The following CCDC102B variants were observed in gnomAD, a reference collection of about 807,000 sequenced individuals.
CCDC102B encodes coiled-coil domain containing 102B.
A neutral mutation model predicts 57.4 loss-of-function variants in CCDC102B; 75 were observed. The ratio of observed to expected loss-of-function variants is 1.31; its 90% CI spans 1.08 to 1.58. The LOEUF is 1.58. Ranked by LOEUF, CCDC102B falls within the 40% of genes most tolerant of loss-of-function variation. The pLI is 0.00. For missense variants in CCDC102B, 636 were observed against 582.6 expected, an observed-to-expected ratio of 1.09 and a Z score of -0.94; for synonymous variants, 206 against 201.9, an observed-to-expected ratio of 1.02 and a Z score of -0.17.
intron 6 of CCDC102B, among the ~76,000 whole-genome samples, chr18:68,982,415 T>A (rs542457334): frequency 6.7e-4 from 102 of 152,092 alleles, no homozygotes; most frequent in African/African-American, 2.4e-3. Flanking sequence ...TTAATTAATT[T>A]GATTTGTAGA....
chr18:69,002,326 G>A (rs1321580342), intron 6 of CCDC102B, among the ~76,000 whole-genome samples: 1 of 152,174 alleles, frequency 6.6e-6, no homozygotes, highest in Non-Finnish European at 1.5e-5. Context: ...AGGGCATGGT[G>A]AATGGTACTC....
Position 68,875,626 on chromosome 18 carries a change from G to C in CCDC102B, c.1053+841G>C, listed in dbSNP as rs1049130137. ...TATATTTACATCAGATGAATATAGT[G>C]CAATGGGAAATATACAGATTTTGGA... On this transcript the variant is annotated intron_variant, in intron 5 of 7. Coordinates refer to ENST00000360242, the MANE Select transcript of CCDC102B (RefSeq NM_024781.3). 6.6e-5 allele frequency among the ~76,000 whole-genome samples: 10 copies of C among 152,146 alleles called. No individual in the cohort carries two copies. In the East Asian group the frequency reaches 1.9e-3, roughly 29 times the overall value.
intron 1 of CCDC102B, among the ~76,000 whole-genome samples, chr18:68,809,084 C>T (rs2036149197): frequency 6.6e-6 from 1 of 152,096 alleles, no homozygotes; most frequent in East Asian, 1.9e-4. Context: ...TTTGTTTTCT[C>T]AACATCCTCT....
At position 69,035,152 on chromosome 18, in the gene CCDC102B, C is replaced by T. The variant is rs144548013; in HGVS notation, c.1435-18878C>T. 7.2e-3 allele frequency among the ~76,000 whole-genome samples: 1,099 copies of T among 152,040 alleles called. 8 individuals carry two copies. The highest frequency in any genetic ancestry group is 0.024 in the Middle Eastern group (7 of 294). On this transcript the variant is annotated intron_variant, in intron 7 of 7. Transcript: ENST00000360242. ...ATATAACAATTGCATTACTAGTATA[C>T]CATATTAGAAACACTATTGTTTATA...
chr18:68,944,421 A>G (rs2145178008), intron 6 of CCDC102B, among the ~76,000 whole-genome samples: 1 of 150,722 alleles, frequency 6.6e-6, no homozygotes, highest in South Asian at 2.1e-4. Flanking sequence ...GAGGCTGGGA[A>G]GTAAGTCCAA....
chr18:69,052,976 C>T (rs1285811899), intron 7 of CCDC102B, among the ~76,000 whole-genome samples: 2 of 151,748 alleles, frequency 1.3e-5, no homozygotes, highest in Non-Finnish European at 2.9e-5. Context: ...AATACTACCC[C>T]ATTTTATATT....
At chr18:68,744,059 CTA>C (rs1227102590) in intron 2 of CCDC102B, among the ~76,000 whole-genome samples, 1 of 152,130 alleles carries the variant, frequency 6.6e-6, no homozygotes, top group African/African-American at 2.4e-5. Context: ...GTTAATGAGA[CTA>C]TATCCAACAT....
At position 68,897,425 on chromosome 18, in the gene CCDC102B, C is replaced by A. The variant is rs139367865; in HGVS notation, c.1260C>A (p.Asn420Lys). ...KMSQIDLQEK[N>K]QELLNLQHAY... ...CACAAATTGATCTGCAAGAAAAAAA[C>A]CAGGTATGGGTGCTCCTTGGAGCAA... The change falls in exon 6 of 8, where the codon AAC becomes AAA. Residue 420 changes from asparagine to lysine, a missense_variant. Coordinates refer to ENST00000360242, the MANE Select transcript of CCDC102B (RefSeq NM_024781.3). The A allele has an allele frequency of 3.0e-4, 487 of 1,610,324 alleles. 1 individual carries two copies. The African/African-American group carries it at 4.0e-3, about 13-fold the overall frequency.
chr18:68,731,047 C>T (rs1176478929), intron 2 of CCDC102B, among the ~76,000 whole-genome samples: 3 of 152,072 alleles, frequency 2.0e-5, no homozygotes, highest in Non-Finnish European at 2.9e-5. Flanking sequence ...AGTGCAATGG[C>T]GCGATCTTGG....
intron 2 of CCDC102B, among the ~76,000 whole-genome samples, chr18:68,755,770 A>G (rs2034026255): frequency 6.6e-6 from 1 of 151,622 alleles, no homozygotes; most frequent in Non-Finnish European, 1.5e-5. Context: ...TGAACTCAAT[A>G]TTTGAGAATT....
At chr18:68,992,904 AGGTTCATGCC>A (rs2145330235) in intron 6 of CCDC102B, 1 of 172,312 alleles carries the variant, frequency 5.8e-6, no homozygotes, top group African/African-American at 2.4e-5. Context: ...CCAGAGTGTG[AGGTTCATGCC>A]CTTGCAGACC....
chr18:68,975,540 A>C (rs1308324589), intron 6 of CCDC102B, among the ~76,000 whole-genome samples: 1 of 152,000 alleles, frequency 6.6e-6, no homozygotes, highest in Non-Finnish European at 1.5e-5. Flanking sequence ...CCTTTGAGGA[A>C]TACCATTTTG....
intron 6 of CCDC102B, among the ~76,000 whole-genome samples, chr18:68,933,461 C>G (rs1394832276): frequency 6.6e-6 from 1 of 151,844 alleles, no homozygotes; most frequent in Non-Finnish European, 1.5e-5. Context: ...TCAAACATTT[C>G]CATGCCCTCC....
chr18:68,930,220 A>G (rs931410608), intron 6 of CCDC102B, among the ~76,000 whole-genome samples: 1 of 148,512 alleles, frequency 6.7e-6, no homozygotes, highest in Non-Finnish European at 1.5e-5. Flanking sequence ...TATACATTAT[A>G]TAATTATATA....
intron 6 of CCDC102B, chr18:68,899,873 A>G (rs1358631539): frequency 1.3e-5 from 2 of 152,188 alleles, no homozygotes; most frequent in Non-Finnish European, 2.9e-5. Flanking sequence ...TATTAATCAA[A>G]AGACAAATAA....
chr18:68,763,321 G>A (rs1469339402), intron 2 of CCDC102B, among the ~76,000 whole-genome samples: 2 of 152,062 alleles, frequency 1.3e-5, no homozygotes, highest in African/African-American at 4.8e-5. Flanking sequence ...ATATTTAGAC[G>A]GATTTTTAAA....
At chr18:69,029,984 TAG>T (rs1434333609) in intron 7 of CCDC102B, among the ~76,000 whole-genome samples, 1 of 152,206 alleles carries the variant, frequency 6.6e-6, no homozygotes, top group Non-Finnish European at 1.5e-5. Flanking sequence ...ATTCTATAAT[TAG>T]AAGTGATGTC....
At chr18:68,981,796 T>C (rs2050589389) in intron 6 of CCDC102B, among the ~76,000 whole-genome samples, 1 of 151,906 alleles carries the variant, frequency 6.6e-6, no homozygotes, top group African/African-American at 2.4e-5. Context: ...GACAAATAGG[T>C]GTTCTCATTG....
At chr18:68,880,440 C>T (rs1043481671) in intron 5 of CCDC102B, among the ~76,000 whole-genome samples, 1 of 152,200 alleles carries the variant, frequency 6.6e-6, no homozygotes, top group African/African-American at 2.4e-5. Flanking sequence ...GAAAGGGGCT[C>T]CCACAGTGCA....
Sources: allele counts gnomAD v4.1 joint callset (sites outside exome capture counted in the v4.1 genomes callset), GRCh38; gene constraint gnomAD v4.1.1; transcripts MANE v1.5; gene names NCBI Gene and HGNC (gene_info 2026-07-23, HGNC 2026-07-21).